TRIP13: variants seen among roughly 807,000 people sequenced by gnomAD.
The protein encoded by TRIP13 is thyroid hormone receptor interactor 13, also known as pachytene checkpoint protein 2 homolog.
In TRIP13, 25 loss-of-function variants were observed where a neutral mutation model predicts 54.4. The observed-to-expected ratio is 0.46, with a 90% CI of 0.33 to 0.64. The LOEUF is 0.64. Among genes scored for constraint, TRIP13 ranks in the 30% least tolerant of loss-of-function variants. The pLI, the probability that TRIP13 is intolerant of heterozygous loss-of-function variation, is 0.02. For synonymous variants in TRIP13, 207 were observed against 207.8 expected, an observed-to-expected ratio of 1.00 and a Z score of 0.03; for missense variants, 373 against 534.2, an observed-to-expected ratio of 0.70 and a Z score of 2.97.
Position 915,162 on chromosome 5 carries a change from TGTA to T in TRIP13, c.1133+589_1133+591del, listed in dbSNP as rs1383852448. Among the ~76,000 whole-genome samples the T allele has an allele frequency of 1.3e-5, 2 of 152,238 alleles. No individual in the cohort carries two copies. The highest frequency in any genetic ancestry group is 2.9e-5 in the Non-Finnish European group (2 of 68,042). ...TTTAAACAAGGGATAACATGAAGAA[TGTA>T]GTATTTTTTAAGGATTTGGATTATC... On this transcript the variant is annotated intron_variant, in intron 11 of 12. Transcript: ENST00000166345. The surrounding 1 kb of genome is among the most constrained non-coding windows in gnomAD (Gnocchi z 4.2).
rs56188029 is a variant in TRIP13, at chr5:908,885, G to C, written c.866+424G>C. 13,399 of 180,538 alleles carry C rather than the reference G, an allele frequency of 0.074. 761 individuals carry two copies. The highest frequency in any genetic ancestry group is 0.17 in the African/African-American group (7,064 of 42,412). The allele number at this position is 180,538 out of a possible 1,614,324, so 11.2% of individuals were successfully genotyped here. On this transcript the variant is annotated intron_variant, in intron 9 of 12. Coordinates refer to ENST00000166345, the MANE Select transcript of TRIP13 (RefSeq NM_004237.4). This position sits in a 1 kb window ranked among gnomAD's most constrained non-coding sequence, Gnocchi z 5.2. ...AGGCAGGAGAATGGTGTGAACCCGGGAGGCAGAACTTGCAGTGAGCCGAGA... is the reference window on the plus strand; with the variant it reads ...AGGCAGGAGAATGGTGTGAACCCGGCAGGCAGAACTTGCAGTGAGCCGAGA...
chr5:909,375 A>G (rs974292541), intron 9 of TRIP13, among the ~76,000 whole-genome samples: 6 of 152,176 alleles, frequency 3.9e-5, no homozygotes, highest in Admixed American at 3.3e-4. Context: ...GTGCCTGGGG[A>G]GTCCCTGGCA....
At chr5:901,786 C>T (rs542099667) in intron 5 of TRIP13, among the ~76,000 whole-genome samples, 4 of 152,290 alleles carry the variant, frequency 2.6e-5, no homozygotes, top group Admixed American at 2.0e-4. Flanking sequence ...CCACACCCAG[C>T]TAAGTTTTGT....
Position 911,934 on chromosome 5 carries a change from G to T in TRIP13, c.958G>T (p.Gly320Trp). Residue 320 changes from glycine to tryptophan, a missense_variant, in exon 10 of 13, where the codon GGG (glycine) becomes TGG (tryptophan). Physicochemically the swap from Gly to Trp is radical, Grantham distance 184. Transcript: ENST00000166345. The surrounding 1 kb of genome is among the most constrained non-coding windows in gnomAD (Gnocchi z 4.7). ...CAGGGCTGACATCAAGCAGTACATT[G>T]GGCCACCCTCTGCAGCAGCCATCTT... ...VDRADIKQYI[G>W]PPSAAAIFKI... 6.2e-7 allele frequency: 1 copy of T among 1,613,360 alleles called. No individual in the cohort carries two copies. Among genetic ancestry groups the T allele is most frequent in the Non-Finnish European group, 8.5e-7 (1 of 1,179,902 alleles).
At position 914,821 on chromosome 5, in the gene TRIP13, A is replaced by G. The variant is rs56124764; in HGVS notation, c.1133+244A>G. On this transcript the variant is annotated intron_variant, in intron 11 of 12. Coordinates refer to ENST00000166345, the MANE Select transcript of TRIP13 (RefSeq NM_004237.4). ...TTGCTCAGGGAGGGCGCTGGCTCAC[A>G]CTGGAAGCCTGCAACCCTACGGCTG... Among the ~76,000 whole-genome samples the G allele has an allele frequency of 0.089, 13,477 of 152,120 alleles. 910 individuals carry two copies. The highest frequency in any genetic ancestry group is 0.19 in the African/African-American group (8,000 of 41,462).
At position 915,649 on chromosome 5, in the gene TRIP13, C is replaced by T. The variant is rs1016056278; in HGVS notation, c.1134-255C>T. 3.3e-5 allele frequency among the ~76,000 whole-genome samples: 5 copies of T among 152,136 alleles called. No individual in the cohort carries two copies. Among genetic ancestry groups the T allele is most frequent in the East Asian group, 3.9e-4 (2 of 5,178 alleles). ...GTGCCTTGGGTGTGCTTCAGAGCCG[C>T]GAGGACACTGCCTCCCAGAGCAGGA... On this transcript the variant is annotated intron_variant, in intron 11 of 12. Coordinates refer to ENST00000166345, the MANE Select transcript of TRIP13 (RefSeq NM_004237.4). The surrounding 1 kb of genome is among the most constrained non-coding windows in gnomAD (Gnocchi z 4.2).
At chr5:916,867 G>A (rs1166675538) in intron 12 of TRIP13, 141 bp from the exon 13 acceptor site, 2 of 616,624 alleles carry the variant, frequency 3.2e-6, no homozygotes, top group Non-Finnish European at 5.5e-6. Flanking sequence ...GACGTGTGTG[G>A]TGCGCACTCA....
At chr5:901,604 TTTTGTTTG>T (rs146108175) in intron 5 of TRIP13, among the ~76,000 whole-genome samples, 173 bp downstream of exon 5, 7,143 of 152,108 alleles carry the variant, frequency 0.047, 520 homozygotes, top group African/African-American at 0.16. Context: ...TTGGGACATT[TTTTGTTTG>T]TTTGTTTGTT....
At chr5:893,586 T>A (rs2150677169) in intron 1 of TRIP13, 1 of 186,326 alleles carries the variant, frequency 5.4e-6, no homozygotes, top group South Asian at 7.7e-5. Flanking sequence ...CACATCCCAC[T>A]CATTTGTGAC....
At chr5:914,699 G>T in intron 11 of TRIP13, 122 bp downstream of exon 11, 2 of 739,252 alleles carry the variant, frequency 2.7e-6, no homozygotes, top group South Asian at 3.1e-5. Context: ...CACAGTATAG[G>T]TATGAACATG....
chr5:892,922 C>A lies in TRIP13; in HGVS notation c.-77C>A. The A allele has an allele frequency of 7.5e-7, 1 of 1,326,378 alleles. No homozygotes were observed. The highest frequency in any genetic ancestry group is 9.9e-7 in the Non-Finnish European group (1 of 1,011,576). The allele number at this position is 1,326,378 out of a possible 1,614,324, so 82.2% of individuals were successfully genotyped here. ...GGGCGGGGCCCGCGGGCTGAGGCAG[C>A]GGCTGTGGCGGCGACGCTGGGCGTG... On this transcript the variant is annotated 5_prime_UTR_variant, in exon 1 of 13. Coordinates refer to ENST00000166345, the MANE Select transcript of TRIP13 (RefSeq NM_004237.4).
chr5:895,511 A>G (rs1753895266), intron 2 of TRIP13, among the ~76,000 whole-genome samples: 1 of 152,192 alleles, frequency 6.6e-6, no homozygotes, highest in South Asian at 2.1e-4. Flanking sequence ...CAGCAGTACA[A>G]TTCCTGTCCT....
At chr5:918,426 C>A (rs917524098), downstream of TRIP13, among the ~76,000 whole-genome samples, 1 of 152,204 alleles carries the variant, frequency 6.6e-6, no homozygotes, top group Non-Finnish European at 1.5e-5. This position sits in a 1 kb window ranked among gnomAD's most constrained non-coding sequence, Gnocchi z 4.3. Flanking sequence ...ACAGCTCCCC[C>A]ACCTCCACTC....
chr5:913,820 A>T lies in TRIP13; in HGVS notation c.1021-645A>T, dbSNP rs556744744. On this transcript the variant is annotated intron_variant, in intron 10 of 12. Transcript: ENST00000166345. This position sits in a 1 kb window ranked among gnomAD's most constrained non-coding sequence, Gnocchi z 4.5. ...AACAAACCTCCAAAATGTTCAGACA[A>T]TGCTATTTTCTTCCTTCTCCTTGTT... Among the ~76,000 whole-genome samples the T allele has an allele frequency of 6.6e-6, 1 of 152,310 alleles. No homozygotes were observed. The highest frequency in any genetic ancestry group is 6.5e-5 in the Admixed American group (1 of 15,302).
chr5:893,284 A>G (rs977161848), intron 1 of TRIP13, among the ~76,000 whole-genome samples, 194 bp downstream of exon 1: 1 of 151,894 alleles, frequency 6.6e-6, no homozygotes. Context: ...ACCCCACCGC[A>G]GGGCACTGAC....
At chr5:901,465 G>A (rs768270209) in intron 5 of TRIP13, 34 bp downstream of exon 5, 2 of 1,604,026 alleles carry the variant, frequency 1.2e-6, no homozygotes, top group East Asian at 2.2e-5. Flanking sequence ...GACCAGATAA[G>A]TGGCATGAAA....
At position 913,654 on chromosome 5, in the gene TRIP13, T is replaced by C. The variant is rs1048637802; in HGVS notation, c.1021-811T>C. ...TACAGGCGTGAGCCACCGTGCCCAG[T>C]GATAGGGGTAGTTTCTTATTTTAGG... On this transcript the variant is annotated intron_variant, in intron 10 of 12. Coordinates refer to ENST00000166345, the MANE Select transcript of TRIP13 (RefSeq NM_004237.4). The surrounding 1 kb of genome is among the most constrained non-coding windows in gnomAD (Gnocchi z 4.5). Among the ~76,000 whole-genome samples the C allele has an allele frequency of 3.3e-5, 5 of 152,048 alleles. No homozygotes were observed. Among genetic ancestry groups the C allele is most frequent in the African/African-American group, 1.2e-4 (5 of 41,380 alleles).
chr5:909,806 T>G (rs1754192652), intron 9 of TRIP13, among the ~76,000 whole-genome samples: 1 of 152,276 alleles, frequency 6.6e-6, no homozygotes, highest in South Asian at 2.1e-4. Flanking sequence ...GCTAGTTAAC[T>G]GCAGCAGGAG....
chr5:893,221 G>A, intron 1 of TRIP13, 131 bp downstream of exon 1: 1 of 933,566 alleles, frequency 1.1e-6, no homozygotes, highest in South Asian at 1.7e-5. Flanking sequence ...GGCCCGACTG[G>A]ACCCGGGCGC....
Sources: gnomAD v4.1 joint callset for allele counts (sites outside exome capture counted in the v4.1 genomes callset) on GRCh38, gnomAD v4.1.1 for gene constraint, Gnocchi (gnomAD v3.1) non-coding constraint, MANE v1.5 for transcripts, NCBI Gene and HGNC (gene_info 2026-07-23, HGNC 2026-07-21) for gene names.